MARCHF1: variants seen among roughly 807,000 people sequenced by gnomAD.
MARCHF1 encodes the protein E3 ubiquitin-protein ligase MARCHF1.
MARCHF1 carries 40 observed loss-of-function variants against 54.2 expected under a neutral mutation model. That is an observed-to-expected ratio of 0.74 (90% CI 0.57 to 0.96). The LOEUF is 0.96. MARCHF1 is among the 40% of genes least tolerant of loss of function. The pLI is 0.00. For synonymous variants in MARCHF1, 236 were observed against 236.3 expected (o/e 1.00, Z 0.01); for missense variants, 586 against 656.5 (o/e 0.89, Z 1.17).
chr4:164,202,503 GA>G (rs1316782658), intron 1 of MARCHF1, among the ~76,000 whole-genome samples: 1 of 152,146 alleles, frequency 6.6e-6, no homozygotes. Flanking sequence ...TAAAAGACTA[GA>G]ATGTGTAAAA....
At chr4:163,822,216 T>A (rs1748712520) in intron 4 of MARCHF1, among the ~76,000 whole-genome samples, 1 of 151,868 alleles carries the variant, frequency 6.6e-6, no homozygotes, top group African/African-American at 2.4e-5. Flanking sequence ...TAATGAACAT[T>A]CACTCTGCAC....
At chr4:164,296,045 G>A (rs981613796) in intron 1 of MARCHF1, among the ~76,000 whole-genome samples, 11 of 152,052 alleles carry the variant, frequency 7.2e-5, no homozygotes, top group African/African-American at 1.7e-4. Flanking sequence ...TCTCTTAAAC[G>A]GAAATTCCCA....
Position 164,072,049 on chromosome 4 carries a change from GTAA to G in MARCHF1, c.-248+39536_-248+39538del, listed in dbSNP as rs1025190246. Among the ~76,000 whole-genome samples the G allele has an allele frequency of 2.6e-5, 4 of 151,256 alleles. No individual in the cohort carries two copies. The East Asian group carries it at 7.7e-4, about 29-fold the overall frequency. Reference sequence around the variant, plus strand: ...ACATAGAAACCAAAAAAAAAAAGAAGTAATAAAAGCACTTGTGCTCAGCACTTT... The same window carrying G: ...ACATAGAAACCAAAAAAAAAAAGAAGTAAAAGCACTTGTGCTCAGCACTTT... On this transcript the variant is annotated intron_variant, in intron 2 of 9. Transcript: ENST00000514618.
At chr4:164,306,652 T>C (rs1734702668) in intron 1 of MARCHF1, among the ~76,000 whole-genome samples, 1 of 152,060 alleles carries the variant, frequency 6.6e-6, no homozygotes, top group Non-Finnish European at 1.5e-5. Context: ...AAAACTAAGA[T>C]AAACAAACAA....
chr4:164,149,534 T>C (rs565140484), intron 1 of MARCHF1, among the ~76,000 whole-genome samples: 50 of 152,292 alleles, frequency 3.3e-4, no homozygotes, highest in African/African-American at 1.1e-3. Context: ...AATGACTGCT[T>C]TTCAGAGCTT....
At chr4:163,753,261 T>A (rs560790688) in intron 4 of MARCHF1, among the ~76,000 whole-genome samples, 1 of 152,222 alleles carries the variant, frequency 6.6e-6, no homozygotes, top group Admixed American at 6.5e-5. Flanking sequence ...TGCTTTTTTT[T>A]CTATTATTAT....
At chr4:163,951,385 T>C (rs1418394667) in intron 3 of MARCHF1, among the ~76,000 whole-genome samples, 1 of 151,992 alleles carries the variant, frequency 6.6e-6, no homozygotes, top group Non-Finnish European at 1.5e-5. Context: ...GATAGTAGAG[T>C]TTGAAGAAAA....
chr4:164,330,224 C>A (rs989175741), intron 1 of MARCHF1: 2 of 151,786 alleles, frequency 1.3e-5, no homozygotes, highest in African/African-American at 4.8e-5. Flanking sequence ...CACCTGCAAA[C>A]CTTGTCACCT....
intron 3 of MARCHF1, among the ~76,000 whole-genome samples, chr4:163,938,749 G>A (rs1211715627): frequency 6.6e-6 from 1 of 152,118 alleles, no homozygotes; most frequent in Non-Finnish European, 1.5e-5. Context: ...TTACAATCAT[G>A]GTGGAATGGG....
chr4:163,685,097 T>A (rs1315799856), intron 5 of MARCHF1, among the ~76,000 whole-genome samples: 2 of 152,198 alleles, frequency 1.3e-5, no homozygotes, highest in Admixed American at 6.5e-5. Flanking sequence ...TGTGAATAGG[T>A]TCTTGGAAAC....
chr4:163,888,523 G>T (rs911142201), intron 3 of MARCHF1, among the ~76,000 whole-genome samples: 5 of 152,040 alleles, frequency 3.3e-5, no homozygotes, highest in African/African-American at 1.2e-4. Context: ...TATTCCTTCT[G>T]CACTTTTGTC....
intron 4 of MARCHF1, among the ~76,000 whole-genome samples, chr4:163,851,062 C>A (rs1192576968): frequency 6.6e-6 from 1 of 152,170 alleles, no homozygotes; most frequent in Non-Finnish European, 1.5e-5. Flanking sequence ...GTACTAAAAC[C>A]CCATGATTCC....
chr4:164,236,940 C>T (rs1192398492), intron 1 of MARCHF1, among the ~76,000 whole-genome samples: 1 of 152,130 alleles, frequency 6.6e-6, no homozygotes, highest in Non-Finnish European at 1.5e-5. Flanking sequence ...CATTGTCTAT[C>T]TCTTGTAATT....
intron 1 of MARCHF1, among the ~76,000 whole-genome samples, chr4:164,152,351 T>A (rs184998139): frequency 5.9e-5 from 9 of 152,286 alleles, no homozygotes; most frequent in African/African-American, 1.9e-4. Flanking sequence ...TAATTAGAAA[T>A]GAGGACTAAG....
At chr4:164,109,712 G>A (rs1755789570) in intron 2 of MARCHF1, among the ~76,000 whole-genome samples, 2 of 151,176 alleles carry the variant, frequency 1.3e-5, no homozygotes, top group African/African-American at 2.4e-5. Flanking sequence ...TTTAAAAATC[G>A]TTCCTGGATT....
At chr4:164,264,070 T>C (rs1351288245) in intron 1 of MARCHF1, among the ~76,000 whole-genome samples, 2 of 152,190 alleles carry the variant, frequency 1.3e-5, no homozygotes, top group Non-Finnish European at 2.9e-5. Context: ...CTGTTCACAA[T>C]AGCAAAAGTA....
intron 1 of MARCHF1, among the ~76,000 whole-genome samples, chr4:164,239,819 C>G (rs1454648208): frequency 6.6e-6 from 1 of 152,080 alleles, no homozygotes; most frequent in Non-Finnish European, 1.5e-5. Context: ...TCTTTGACTT[C>G]CTCAGCAATT....
chr4:163,758,838 T>C (rs1481628064), intron 4 of MARCHF1, among the ~76,000 whole-genome samples: 5 of 152,210 alleles, frequency 3.3e-5, no homozygotes, highest in Admixed American at 2.0e-4. Flanking sequence ...TTCTTTGATA[T>C]TGAACATATT....
intron 8 of MARCHF1, among the ~76,000 whole-genome samples, chr4:163,571,946 C>T (rs1739854042): frequency 6.6e-6 from 1 of 152,058 alleles, no homozygotes; most frequent in African/African-American, 2.4e-5. Flanking sequence ...GTAAGTGTAG[C>T]GAAGGTACTT....
Sources: gnomAD v4.1 joint callset for allele counts (sites outside exome capture counted in the v4.1 genomes callset) on GRCh38, gnomAD v4.1.1 for gene constraint, MANE v1.5 for transcripts, NCBI Gene and HGNC (gene_info 2026-07-23, HGNC 2026-07-21) for gene names.